FOXP2: variants seen among roughly 807,000 people sequenced by gnomAD.
FOXP2 encodes forkhead box protein P2.
A neutral mutation model predicts 115.8 loss-of-function variants in FOXP2; 12 were observed. The observed-to-expected ratio is 0.10, with a 90% CI of 0.07 to 0.17. FOXP2 has a LOEUF of 0.17. Among genes scored for constraint, FOXP2 ranks in the 10% least tolerant of loss-of-function variants. The probability of loss-of-function intolerance (pLI) is 1.00; values close to 1 mark genes in which losing one functional copy is unlikely to be tolerated. For synonymous variants in FOXP2, 328 were observed against 297.7 expected, an observed-to-expected ratio of 1.10 and a Z score of -1.05; for missense variants, 629 against 843.5, an observed-to-expected ratio of 0.75 and a Z score of 3.15.
At chr7:114,327,121 C>G (rs1335879476) in intron 2 of FOXP2, among the ~76,000 whole-genome samples, 1 of 152,192 alleles carries the variant, frequency 6.6e-6, no homozygotes, top group Non-Finnish European at 1.5e-5. Flanking sequence ...GCATCTTGTA[C>G]TTTCCCTTCC....
At chr7:114,590,047 AG>A (rs1198369022) in intron 3 of FOXP2, among the ~76,000 whole-genome samples, 1 of 152,152 alleles carries the variant, frequency 6.6e-6, no homozygotes, top group African/African-American at 2.4e-5. Context: ...CAGTAATGTA[AG>A]CAACAAATAT....
At chr7:114,231,932 G>C (rs968585914) in intron 1 of FOXP2, among the ~76,000 whole-genome samples, 11 of 152,154 alleles carry the variant, frequency 7.2e-5, no homozygotes, top group Non-Finnish European at 1.3e-4. Flanking sequence ...GCAGCCTACA[G>C]AGTGGTAGAA....
chr7:114,620,272 C>A (rs886583677), intron 3 of FOXP2, among the ~76,000 whole-genome samples: 18 of 152,136 alleles, frequency 1.2e-4, no homozygotes, highest in African/African-American at 4.1e-4. Context: ...ACAAATTTAC[C>A]TACAGACAGA....
Position 114,347,350 on chromosome 7 carries a change from G to A in FOXP2, c.-11+59241G>A, listed in dbSNP as rs1916975. 2.3e-3 allele frequency among the ~76,000 whole-genome samples: 351 copies of A among 151,924 alleles called. 2 individuals carry two copies. The highest frequency in any genetic ancestry group is 8.0e-3 in the African/African-American group (333 of 41,486). On this transcript the variant is annotated intron_variant, in intron 2 of 17. Coordinates refer to the FOXP2 transcript ENST00000634411. Reference sequence around the variant, plus strand: ...GATACATATACATACATATACACACGCATATACGTATATGTTTTGTATGAG... The same window carrying A: ...GATACATATACATACATATACACACACATATACGTATATGTTTTGTATGAG...
intron 1 of FOXP2, among the ~76,000 whole-genome samples, chr7:114,423,261 G>T (rs1033035398): frequency 2.6e-5 from 4 of 151,634 alleles, no homozygotes; most frequent in African/African-American, 9.7e-5. Context: ...TTCAATTCAA[G>T]TTGTTTAGGA....
At chr7:114,279,521 C>T (rs1190049966) in intron 1 of FOXP2, among the ~76,000 whole-genome samples, 3 of 151,966 alleles carry the variant, frequency 2.0e-5, no homozygotes, top group African/African-American at 7.3e-5. Context: ...GTCACATTTC[C>T]CCTAGTTTGA....
intron 2 of FOXP2, chr7:114,499,516 A>G (rs1797469311): frequency 6.6e-6 from 1 of 152,138 alleles, no homozygotes; most frequent in South Asian, 2.1e-4. Context: ...ACTGTTAGGA[A>G]TAGTTCTGTT....
At chr7:114,492,935 G>A (rs187245518) in intron 2 of FOXP2, among the ~76,000 whole-genome samples, 1 of 152,210 alleles carries the variant, frequency 6.6e-6, no homozygotes, top group African/African-American at 2.4e-5. Context: ...AGTCCGCTTG[G>A]TGCAGAGCTG....
In FOXP2 at chr7:114,335,684, A is replaced by C. The variant is rs114054424; in HGVS notation, c.-11+47575A>C. Among the ~76,000 whole-genome samples the C allele has an allele frequency of 6.1e-3, 934 of 151,934 alleles. 12 individuals carry two copies. The highest frequency in any genetic ancestry group is 0.022 in the African/African-American group (898 of 41,534). On this transcript the variant is annotated intron_variant, in intron 2 of 17. Transcript: ENST00000634411. ...ATCAAGCACAATTTTAAAGTGAACA[A>C]AATTTAAATGTGGCCAACCTGAATA...
intron 2 of FOXP2, among the ~76,000 whole-genome samples, chr7:114,390,686 C>T (rs905046449): frequency 1.3e-5 from 2 of 152,034 alleles, no homozygotes; most frequent in Non-Finnish European, 2.9e-5. Context: ...TCCTGAGTAG[C>T]TGGGACTACA....
intron 2 of FOXP2, among the ~76,000 whole-genome samples, chr7:114,488,366 T>C (rs757106963): frequency 6.6e-6 from 1 of 152,150 alleles, no homozygotes; most frequent in Non-Finnish European, 1.5e-5. Flanking sequence ...ATCAGTGTCA[T>C]ATGAGGAGGT....
At chr7:114,433,345 A>G (rs978575946) in intron 2 of FOXP2, among the ~76,000 whole-genome samples, 2 of 151,972 alleles carry the variant, frequency 1.3e-5, no homozygotes, top group African/African-American at 4.8e-5. Flanking sequence ...TAAAATCTAA[A>G]TTAAATTCTT....
intron 3 of FOXP2, among the ~76,000 whole-genome samples, chr7:114,552,289 A>G (rs1199300397): frequency 6.6e-6 from 1 of 152,126 alleles, no homozygotes; most frequent in Non-Finnish European, 1.5e-5. Context: ...CCTCTGTGCT[A>G]TTTGGGAGAG....
intron 1 of FOXP2, among the ~76,000 whole-genome samples, chr7:114,129,517 T>A (rs777598191): frequency 1.3e-5 from 2 of 152,086 alleles, no homozygotes; most frequent in Non-Finnish European, 2.9e-5. Flanking sequence ...AAAAAAAAAA[T>A]GTGTTTTTAT....
chr7:114,409,209 T>C (rs181816110), intron 2 of FOXP2, among the ~76,000 whole-genome samples: 9 of 152,256 alleles, frequency 5.9e-5, no homozygotes, highest in Admixed American at 5.9e-4. Context: ...ATTAAACTTG[T>C]TTAATATATT....
intron 10 of FOXP2, among the ~76,000 whole-genome samples, chr7:114,657,276 C>CT (rs1337607673): frequency 6.6e-6 from 1 of 152,014 alleles, no homozygotes; most frequent in African/African-American, 2.4e-5. Flanking sequence ...ACATTCTCAC[C>CT]TTTTTTCTTT....
At chr7:114,433,430 G>C (rs1303923028) in intron 2 of FOXP2, among the ~76,000 whole-genome samples, 1 of 151,376 alleles carries the variant, frequency 6.6e-6, no homozygotes, top group African/African-American at 2.4e-5. Flanking sequence ...CTCAAAATTA[G>C]TTGAAAAAAA....
chr7:114,630,136 T>C, intron 5 of FOXP2, 131 bp downstream of exon 5: 2 of 1,519,986 alleles, frequency 1.3e-6, no homozygotes, highest in Admixed American at 3.4e-5. Flanking sequence ...ATATTTTTAC[T>C]GAGCTTAGTA....
chr7:114,243,829 A>G (rs1219610323), intron 1 of FOXP2, among the ~76,000 whole-genome samples: 3 of 151,992 alleles, frequency 2.0e-5, no homozygotes, highest in Admixed American at 1.3e-4. Flanking sequence ...GTGCCAGGAT[A>G]TTTTGAGGTT....
Sources: allele counts gnomAD v4.1 joint callset (sites outside exome capture counted in the v4.1 genomes callset), GRCh38; gene constraint gnomAD v4.1.1; transcripts MANE v1.5; gene names NCBI Gene and HGNC (gene_info 2026-07-23, HGNC 2026-07-21).